SLC10A7: variants seen among roughly 807,000 people sequenced by gnomAD.
SLC10A7 encodes the protein solute carrier family 10 member 7.
In SLC10A7, 29 loss-of-function variants were observed where a neutral mutation model predicts 43.2. The ratio of observed to expected loss-of-function variants is 0.67; its 90% CI spans 0.50 to 0.92. SLC10A7 has a LOEUF of 0.92. SLC10A7 is among the 40% of genes least tolerant of loss of function. The pLI, the probability that SLC10A7 is intolerant of heterozygous loss-of-function variation, is 0.00. For synonymous variants in SLC10A7, 152 were observed against 144.8 expected, an observed-to-expected ratio of 1.05 and a Z score of -0.35; for missense variants, 295 against 403.2, an observed-to-expected ratio of 0.73 and a Z score of 2.30.
chr4:146,489,295 C>T (rs1440674622), intron 4 of SLC10A7, among the ~76,000 whole-genome samples: 1 of 152,152 alleles, frequency 6.6e-6, no homozygotes, highest in African/African-American at 2.4e-5. Context: ...CAGAGAAGGG[C>T]AGAGAAGGGA....
At chr4:146,384,633 G>A (rs1737860733) in intron 5 of SLC10A7, among the ~76,000 whole-genome samples, 1 of 151,998 alleles carries the variant, frequency 6.6e-6, no homozygotes, top group African/African-American at 2.4e-5. Context: ...AATATTAGAA[G>A]ATTAATTTTA....
intron 4 of SLC10A7, among the ~76,000 whole-genome samples, chr4:146,482,877 T>C (rs1468766249): frequency 6.6e-6 from 1 of 152,128 alleles, no homozygotes; most frequent in Non-Finnish European, 1.5e-5. Flanking sequence ...GAGTCTCCAT[T>C]TGACTACCAG....
At chr4:146,479,961 C>A (rs1262643035) in intron 4 of SLC10A7, among the ~76,000 whole-genome samples, 5 of 152,040 alleles carry the variant, frequency 3.3e-5, no homozygotes, top group African/African-American at 7.2e-5. Flanking sequence ...AGCAGAATAT[C>A]TGTCTCGGAA....
intron 5 of SLC10A7, chr4:146,441,597 A>C (rs1730608553): frequency 1.3e-6 from 1 of 780,710 alleles, no homozygotes. Flanking sequence ...CGTATAGAAT[A>C]ATACTTGGAC....
At chr4:146,490,292 G>A (rs766220819) in intron 4 of SLC10A7, among the ~76,000 whole-genome samples, 10 of 152,212 alleles carry the variant, frequency 6.6e-5, no homozygotes, top group African/African-American at 7.2e-5. Context: ...ACTTCATTGC[G>A]CAAATGCAAT....
chr4:146,444,183 G>A (rs545617523), intron 4 of SLC10A7, among the ~76,000 whole-genome samples: 1 of 152,294 alleles, frequency 6.6e-6, no homozygotes, highest in African/African-American at 2.4e-5. Context: ...AAATAAATTA[G>A]TTGTGGTGAC....
At chr4:146,257,102 A>G (rs1335981433) in intron 11 of SLC10A7, among the ~76,000 whole-genome samples, 1 of 152,194 alleles carries the variant, frequency 6.6e-6, no homozygotes, top group Non-Finnish European at 1.5e-5. Context: ...GAGTATTAGG[A>G]TTTTCAAATA....
At chr4:146,256,649 A>ATAATCCATCATAAAACCG in intron 11 of SLC10A7, 129 bp from the exon 12 acceptor site, 1 of 1,113,972 alleles carries the variant, frequency 9.0e-7, no homozygotes, top group South Asian at 1.3e-5. Context: ...CATATAACCA[A>ATAATCCATCATAAAACCG]TAATCCAAAC....
At chr4:146,508,069 T>G (rs1737090961) in intron 3 of SLC10A7, among the ~76,000 whole-genome samples, 1 of 152,218 alleles carries the variant, frequency 6.6e-6, no homozygotes, top group African/African-American at 2.4e-5. Context: ...CAAATGCAAA[T>G]TCCTCAGCCC....
intron 6 of SLC10A7, among the ~76,000 whole-genome samples, chr4:146,309,718 C>A (rs1731829719): frequency 6.6e-6 from 1 of 152,200 alleles, no homozygotes; most frequent in African/African-American, 2.4e-5. Context: ...AAGTAAGGAT[C>A]ATCAGCCAGG....
chr4:146,453,089 T>C (rs1560923121), intron 4 of SLC10A7, among the ~76,000 whole-genome samples: 1 of 151,764 alleles, frequency 6.6e-6, no homozygotes, highest in African/African-American at 2.4e-5. Flanking sequence ...ATGTTTGACA[T>C]GAGGAGCAAG....
In SLC10A7 at chr4:146,254,030, T is replaced by C. The variant is rs1727777147; in HGVS notation, c.*2461A>G. 1 of 152,202 alleles carries C rather than the reference T, an allele frequency of 6.6e-6. No homozygotes were observed. The highest frequency in any genetic ancestry group is 6.6e-5 in the Admixed American group (1 of 15,260). 9.4% of individuals were successfully genotyped at this position (152,202 alleles called of 1,614,324 possible). ...TTTAATCATATAATTATTTTCATCT[T>C]CCAGTCATCATAAATAATCCACTTT... is the stretch of plus-strand genomic sequence containing the variant. On this transcript the variant is annotated 3_prime_UTR_variant, in exon 12 of 12. Transcript: ENST00000335472.
chr4:146,507,634 G>A (rs1737046024), intron 3 of SLC10A7, among the ~76,000 whole-genome samples: 1 of 152,106 alleles, frequency 6.6e-6, no homozygotes, highest in Admixed American at 6.5e-5. Context: ...CATGACTACT[G>A]CCACCATCAT....
At chr4:146,421,911 T>A (rs1174859931) in intron 5 of SLC10A7, among the ~76,000 whole-genome samples, 1 of 152,204 alleles carries the variant, frequency 6.6e-6, no homozygotes, top group Non-Finnish European at 1.5e-5. Flanking sequence ...TTTTAATTGA[T>A]GATATCACAC....
In SLC10A7 at chr4:146,517,116, T is replaced by G. The variant is rs758000850; in HGVS notation, c.105A>C (p.Pro35=). The change falls in exon 2 of 12, where the codon CCA becomes CCC. Residue 35 remains proline, a synonymous_variant. Transcript: ENST00000335472. ...LEPSIGVNGG[P]LKPEITVSYI... ...AGGATACAGTTATTTCTGGCTTCAG[T>G]GGTCCTAAAAAGAGAAAAAAGAGTT... 8.1e-6 allele frequency: 13 copies of G among 1,606,226 alleles called. No individual in the cohort carries two copies. In the South Asian group the frequency reaches 1.4e-4, roughly 18 times the overall value.
intron 1 of SLC10A7, among the ~76,000 whole-genome samples, chr4:146,519,224 GA>G (rs1038959325): frequency 7.3e-6 from 1 of 136,194 alleles, no homozygotes; most frequent in African/African-American, 2.7e-5. Flanking sequence ...CTCTGAGAGA[GA>G]ATATATATTA....
intron 2 of SLC10A7, among the ~76,000 whole-genome samples, chr4:146,510,792 A>G (rs1737390238): frequency 6.6e-6 from 1 of 152,198 alleles, no homozygotes; most frequent in African/African-American, 2.4e-5. Flanking sequence ...ATTAACCTCT[A>G]TTCATTGCAC....
chr4:146,478,564 C>T (rs1734219128), intron 4 of SLC10A7, among the ~76,000 whole-genome samples: 1 of 152,136 alleles, frequency 6.6e-6, no homozygotes, highest in African/African-American at 2.4e-5. Context: ...TAATTCCTCA[C>T]CCATCTGTTG....
Position 146,465,170 on chromosome 4 carries a change from C to T in SLC10A7, c.397-22349G>A, listed in dbSNP as rs564856514. ...ACACATATATTCTCTCTTCCTCTCT[C>T]CAGAAATGTGCACATCATACTCATG... On this transcript the variant is annotated intron_variant, in intron 4 of 11. Transcript: ENST00000335472. 5.3e-5 allele frequency among the ~76,000 whole-genome samples: 8 copies of T among 152,176 alleles called. No homozygotes were observed. In the South Asian group the frequency reaches 1.7e-3, roughly 32 times the overall value.
Sources: gnomAD v4.1 joint callset for allele counts (sites outside exome capture counted in the v4.1 genomes callset) on GRCh38, gnomAD v4.1.1 for gene constraint, MANE v1.5 for transcripts, NCBI Gene and HGNC (gene_info 2026-07-23, HGNC 2026-07-21) for gene names.